Variants in STAG1 observed in about 807,000 individuals in gnomAD.
STAG1 encodes cohesin subunit SA-1.
STAG1 carries 26 observed loss-of-function variants against 170.9 expected under a neutral mutation model. The observed-to-expected ratio is 0.15, with a 90% CI of 0.11 to 0.21. The LOEUF (loss-of-function observed/expected upper bound fraction) is 0.21, where lower values mean the gene tolerates loss of function less well. Ranked by LOEUF, STAG1 falls within the 10% of genes least tolerant of loss-of-function variation. The pLI, the probability that STAG1 is intolerant of heterozygous loss-of-function variation, is 1.00. For synonymous variants in STAG1, 514 were observed against 497.7 expected (o/e 1.03, Z -0.44); for missense variants, 964 against 1,509.5 (o/e 0.64, Z 5.99).
At chr3:136,625,291 C>T (rs367618466) in intron 2 of STAG1, among the ~76,000 whole-genome samples, 2 of 152,348 alleles carry the variant, frequency 1.3e-5, no homozygotes, top group South Asian at 4.1e-4. Flanking sequence ...GTCTGCTCTT[C>T]TCCATTTATA....
intron 1 of STAG1, among the ~76,000 whole-genome samples, chr3:136,708,615 T>C (rs1306610983): frequency 2.0e-5 from 3 of 152,166 alleles, no homozygotes; most frequent in African/African-American, 7.2e-5. Context: ...ATATATGTTA[T>C]GTGAATTTCA....
At chr3:136,700,876 C>CTTTTTTTTTTT (rs35459362) in intron 1 of STAG1, among the ~76,000 whole-genome samples, 1,122 of 78,258 alleles carry the variant, frequency 0.014, 2 homozygotes, top group Non-Finnish European at 0.017. Context: ...TATTTTTTTT[C>CTTTTTTTTTTT]TTTTTTTTTT....
chr3:136,437,651 A>G (rs2088497535), intron 15 of STAG1, among the ~76,000 whole-genome samples: 1 of 152,192 alleles, frequency 6.6e-6, no homozygotes, highest in African/African-American at 2.4e-5. Flanking sequence ...ATCATCACAA[A>G]ATGATTTGTG....
At chr3:136,707,744 C>T (rs1373774150) in intron 1 of STAG1, among the ~76,000 whole-genome samples, 1 of 152,186 alleles carries the variant, frequency 6.6e-6, no homozygotes, top group Non-Finnish European at 1.5e-5. Flanking sequence ...CAACAACACA[C>T]TCTTGCCGGA....
chr3:136,451,906 C>A (rs2088953449), intron 14 of STAG1, 127 bp downstream of exon 14: 3 of 618,998 alleles, frequency 4.8e-6, no homozygotes, highest in African/African-American at 1.9e-5. Context: ...CTATATCATG[C>A]AATTCATGAA....
rs146686224 is a variant in STAG1, at chr3:136,633,602, G to T, written c.-83-2621C>A. Among the ~76,000 whole-genome samples, 204 of 150,478 alleles carry T rather than the reference G, an allele frequency of 1.4e-3. No individual in the cohort carries two copies. In the East Asian group the frequency reaches 0.034, roughly 25 times the overall value. ...GCAATCCCAGCTGCTTGGGAGGCTG[G>T]GACAGGACAATCACTTGAACTCGGA... is the stretch of plus-strand genomic sequence containing the variant. On this transcript the variant is annotated intron_variant, in intron 1 of 33. Transcript: ENST00000383202.
At chr3:136,432,518 G>GC (rs60461509) in intron 16 of STAG1, among the ~76,000 whole-genome samples, 3 of 100,192 alleles carry the variant, frequency 3.0e-5, no homozygotes, top group African/African-American at 9.2e-5. Context: ...TTTTTTTGGG[G>GC]GGGGGGGGGC....
At chr3:136,384,461 G>GAAA (rs1261653731) in intron 22 of STAG1, among the ~76,000 whole-genome samples, 2 of 103,526 alleles carry the variant, frequency 1.9e-5, no homozygotes, top group African/African-American at 3.5e-5. Flanking sequence ...AAAAGAAGAA[G>GAAA]AAAAAAAAAA....
Position 136,542,215 on chromosome 3 carries a change from A to G in STAG1, c.395-20T>C. ...CAGTACCTGTGGAACAACAGATTTT[A>G]CATTAATCTTTCAATTAATCTTTCA... On this transcript the variant is annotated intron_variant, in intron 5 of 33. Transcript: ENST00000383202. 6.4e-7 allele frequency: 1 copy of G among 1,570,918 alleles called. No homozygotes were observed. Among genetic ancestry groups the G allele is most frequent in the South Asian group, 1.1e-5 (1 of 89,716 alleles).
At chr3:136,655,905 C>A (rs1559933306) in intron 1 of STAG1, among the ~76,000 whole-genome samples, 1 of 151,990 alleles carries the variant, frequency 6.6e-6, no homozygotes, top group Non-Finnish European at 1.5e-5. Flanking sequence ...CCATACAATC[C>A]AGCAATTTTA....
At chr3:136,422,055 G>A (rs1018416059) in intron 19 of STAG1, among the ~76,000 whole-genome samples, 23 of 151,574 alleles carry the variant, frequency 1.5e-4, no homozygotes, top group African/African-American at 5.1e-4. Flanking sequence ...GCTGAGGCAG[G>A]AGAATCACTT....
intron 1 of STAG1, among the ~76,000 whole-genome samples, chr3:136,685,355 G>C (rs1942482421): frequency 6.6e-6 from 1 of 151,052 alleles, no homozygotes; most frequent in African/African-American, 2.4e-5. Context: ...ACAAACAAAA[G>C]CCCTCACCAA....
chr3:136,417,362 AAGTAG>A (rs1442237986), intron 21 of STAG1, among the ~76,000 whole-genome samples: 6 of 152,280 alleles, frequency 3.9e-5, no homozygotes, highest in Non-Finnish European at 7.4e-5. Context: ...ATACTGAATC[AAGTAG>A]AGTAATTATT....
At chr3:136,672,774 G>C (rs1942015279) in intron 1 of STAG1, among the ~76,000 whole-genome samples, 1 of 152,114 alleles carries the variant, frequency 6.6e-6, no homozygotes, top group African/African-American at 2.4e-5. Flanking sequence ...AGAAGATACA[G>C]AGAATTCATA....
At chr3:136,631,501 C>T (rs895938047) in intron 1 of STAG1, among the ~76,000 whole-genome samples, 4 of 152,102 alleles carry the variant, frequency 2.6e-5, no homozygotes, top group African/African-American at 9.7e-5. Flanking sequence ...CAGCAGGAGT[C>T]CAAAAACAGC....
At chr3:136,484,174 G>T (rs1000913565) in intron 9 of STAG1, among the ~76,000 whole-genome samples, 6 of 149,974 alleles carry the variant, frequency 4.0e-5, no homozygotes, top group African/African-American at 1.5e-4. Context: ...AGAGTTTCCA[G>T]TTTTTCTGTT....
rs1008356658 is a variant in STAG1, at chr3:136,477,407, G to C, written c.908C>G (p.Ala303Gly). Residue 303 changes from alanine to glycine, a missense_variant, in exon 10 of 34, where the codon GCT becomes GGT. Physicochemically the swap from Ala to Gly is moderately conservative, Grantham distance 60. Transcript: ENST00000383202. ...ACAAATGGCTCTAATCTCAGCAATA[G>C]CATCACTAGAGAGAGAAAAAAAAGA... Reference protein sequence around the residue: ...KGIFVHRYRDAIAEIRAICIE... With the variant: ...KGIFVHRYRDGIAEIRAICIE... 1 of 1,608,452 alleles carries C rather than the reference G, an allele frequency of 6.2e-7. No homozygotes were observed. Among genetic ancestry groups the C allele is most frequent in the Non-Finnish European group, 8.5e-7 (1 of 1,178,238 alleles).
At chr3:136,632,759 G>C (rs1017763090) in intron 1 of STAG1, among the ~76,000 whole-genome samples, 1 of 152,048 alleles carries the variant, frequency 6.6e-6, no homozygotes, top group Non-Finnish European at 1.5e-5. Context: ...AGAAGCATAG[G>C]CTTGCACCTC....
At chr3:136,751,781 G>C (rs1935259051) in intron 1 of STAG1, among the ~76,000 whole-genome samples, 1 of 150,288 alleles carries the variant, frequency 6.7e-6, no homozygotes, top group African/African-American at 2.5e-5. Flanking sequence ...GGCCCCGCTG[G>C]GCGCGGGCGA....
Sources: gnomAD v4.1 joint callset for allele counts (sites outside exome capture counted in the v4.1 genomes callset) on GRCh38, gnomAD v4.1.1 for gene constraint, MANE v1.5 for transcripts, NCBI Gene and HGNC (gene_info 2026-07-23, HGNC 2026-07-21) for gene names.